Variants in PHF21A observed in about 807,000 individuals in gnomAD.
PHF21A encodes PHD finger protein 21A, also known as BHC80a.
PHF21A carries 11 observed loss-of-function variants against 82.5 expected under a neutral mutation model. The ratio of observed to expected loss-of-function variants is 0.13; its 90% CI spans 0.08 to 0.22. The LOEUF (loss-of-function observed/expected upper bound fraction) is 0.22, where lower values mean the gene tolerates loss of function less well. PHF21A is among the 10% of genes least tolerant of loss of function. The probability of loss-of-function intolerance (pLI) is 1.00; values close to 1 mark genes in which losing one functional copy is unlikely to be tolerated. For missense variants in PHF21A, 579 were observed against 837.8 expected, an observed-to-expected ratio of 0.69 and a Z score of 3.81; for synonymous variants, 297 against 302.8, an observed-to-expected ratio of 0.98 and a Z score of 0.20.
Position 46,118,376 on chromosome 11 carries a change from CT to C in PHF21A, c.-237+2558del, listed in dbSNP as rs146306676. Among the ~76,000 whole-genome samples the C allele has an allele frequency of 5.0e-3, 717 of 144,386 alleles. 5 individuals carry two copies. The highest frequency in any genetic ancestry group is 0.018 in the African/African-American group (680 of 38,836). 94.7% of individuals were successfully genotyped at this position (144,386 alleles called of 152,430 possible). On this transcript the variant is annotated intron_variant, in intron 1 of 18. Transcript: ENST00000676320. Reference sequence around the variant, plus strand: ...GGGCAGCCAAGCAATGTCAGTCAAACTGTAAATACTATTATGTTACCAAAAG... The same window carrying C: ...GGGCAGCCAAGCAATGTCAGTCAAACGTAAATACTATTATGTTACCAAAAG...
At chr11:46,116,649 T>C (rs2097293194) in intron 1 of PHF21A, 1 of 152,078 alleles carries the variant, frequency 6.6e-6, no homozygotes, top group African/African-American at 2.4e-5. Flanking sequence ...ACATTTTTGG[T>C]AACCACAGCA....
chr11:46,032,923 C>T (rs1436972992), intron 6 of PHF21A, among the ~76,000 whole-genome samples: 1 of 152,088 alleles, frequency 6.6e-6, no homozygotes, highest in Non-Finnish European at 1.5e-5. Flanking sequence ...CATACATGTA[C>T]ATATAATCTC....
chr11:46,036,437 G>A (rs1159431088), intron 6 of PHF21A, among the ~76,000 whole-genome samples: 1 of 152,148 alleles, frequency 6.6e-6, no homozygotes, highest in African/African-American at 2.4e-5. Flanking sequence ...GACTCAATCT[G>A]TCAAATTCCC....
chr11:45,973,702 G>A (rs1188933911), intron 7 of PHF21A, among the ~76,000 whole-genome samples: 2 of 152,216 alleles, frequency 1.3e-5, no homozygotes, highest in East Asian at 1.9e-4. Context: ...TTTGTAGTAA[G>A]TGTTTTTACC....
Position 45,938,147 on chromosome 11 carries a change from C to A in PHF21A, c.1608+10G>T, listed in dbSNP as rs777963341. 3 of 1,573,184 alleles carry A rather than the reference C, an allele frequency of 1.9e-6. No individual in the cohort carries two copies. In the Admixed American group the frequency reaches 5.4e-5, roughly 28 times the overall value. ...CTCGGCCCCTCCCCTGTTGGACCCA[C>A]CCACAGTACCTGGTCCTGACATCTG... On this transcript the variant is annotated intron_variant, in intron 16 of 18. Coordinates refer to ENST00000676320, the MANE Select transcript of PHF21A (RefSeq NM_001352027.3).
At chr11:45,941,383 A>G (rs1404503736) in intron 15 of PHF21A, among the ~76,000 whole-genome samples, 1 of 152,242 alleles carries the variant, frequency 6.6e-6, no homozygotes, top group Non-Finnish European at 1.5e-5. Flanking sequence ...AAACATTTTT[A>G]AACTCCAAAA....
At chr11:45,974,803 T>G (rs532234251) in intron 7 of PHF21A, among the ~76,000 whole-genome samples, 19 of 152,210 alleles carry the variant, frequency 1.2e-4, no homozygotes, top group Non-Finnish European at 2.8e-4. Flanking sequence ...TAGTTAACAG[T>G]GTCTAAGTAT....
intron 15 of PHF21A, among the ~76,000 whole-genome samples, chr11:45,945,424 T>C (rs879519747): frequency 3.3e-5 from 5 of 152,210 alleles, no homozygotes; most frequent in African/African-American, 1.2e-4. Context: ...AAGAAAACTT[T>C]CCACTTTTGG....
intron 10 of PHF21A, among the ~76,000 whole-genome samples, chr11:45,959,867 T>G (rs1046875369): frequency 3.3e-5 from 5 of 152,068 alleles, no homozygotes; most frequent in Non-Finnish European, 7.4e-5. Context: ...ATAACCCAAT[T>G]TAAAAATTGG....
At chr11:45,975,041 C>G (rs2093960313) in intron 7 of PHF21A, among the ~76,000 whole-genome samples, 1 of 152,122 alleles carries the variant, frequency 6.6e-6, no homozygotes, top group African/African-American at 2.4e-5. Context: ...AGGCTGGACA[C>G]AGTGGGTCAT....
chr11:45,953,566 T>C lies in PHF21A; in HGVS notation c.1056A>G (p.Pro352=), dbSNP rs1426152961. 6.2e-7 allele frequency: 1 copy of C among 1,613,768 alleles called. No homozygotes were observed. The highest frequency in any genetic ancestry group is 8.5e-7 in the Non-Finnish European group (1 of 1,179,874). The change falls in exon 11 of 19, where the codon CCA becomes CCG. Residue 352 remains proline (P), a synonymous_variant. Coordinates refer to ENST00000676320, the MANE Select transcript of PHF21A (RefSeq NM_001352027.3). The part of the protein sequence containing the change: ...EKQTESRTIT[P]PAAPKPKREE... The stretch of plus-strand genomic sequence containing the variant: ...CCCGTTTTGGTTTGGGTGCAGCAGG[T>C]GGGGTGATGGTGCGGCTCTCTGTTT...
intron 10 of PHF21A, among the ~76,000 whole-genome samples, chr11:45,957,751 C>CAAAAAAAAA: frequency 2.1e-4 from 13 of 60,900 alleles, no homozygotes; most frequent in South Asian, 6.6e-4. Flanking sequence ...AAATTCAAAG[C>CAAAAAAAAA]AAAAAAAAAA....
At chr11:46,071,733 C>A (rs1360982355) in intron 6 of PHF21A, among the ~76,000 whole-genome samples, 2 of 147,818 alleles carry the variant, frequency 1.4e-5, no homozygotes. Flanking sequence ...TGATAATAGC[C>A]AAAAAAAAAA....
chr11:45,948,979 G>A (rs1210484766), intron 13 of PHF21A, 33 bp from the exon 14 acceptor site: 2 of 1,561,212 alleles, frequency 1.3e-6, no homozygotes, highest in Non-Finnish European at 1.8e-6. Flanking sequence ...GGTGACTGTT[G>A]AGTAGTGTGG....
At chr11:46,030,120 T>C (rs980425701) in intron 6 of PHF21A, among the ~76,000 whole-genome samples, 1 of 152,198 alleles carries the variant, frequency 6.6e-6, no homozygotes, top group Admixed American at 6.5e-5. Context: ...CGCTAAACAA[T>C]AGAGCAAACT....
intron 6 of PHF21A, among the ~76,000 whole-genome samples, chr11:45,989,318 C>A (rs2094595401): frequency 6.6e-6 from 1 of 151,978 alleles, no homozygotes; most frequent in Non-Finnish European, 1.5e-5. Flanking sequence ...AGAAGAAAAG[C>A]ATGAACGATC....
intron 14 of PHF21A, 49 bp from the exon 15 acceptor site, chr11:45,946,052 GA>G: frequency 6.2e-7 from 1 of 1,614,110 alleles, no homozygotes; most frequent in South Asian, 1.1e-5. Flanking sequence ...GAGGGAAAGA[GA>G]GGGGGAAAAT....
At chr11:46,032,083 A>G (rs2095876810) in intron 6 of PHF21A, among the ~76,000 whole-genome samples, 1 of 152,206 alleles carries the variant, frequency 6.6e-6, no homozygotes, top group Non-Finnish European at 1.5e-5. Flanking sequence ...GAATCCCTAC[A>G]AATTTCTCAA....
rs552692968 is a variant in PHF21A at position 46,055,854 on chromosome 11, G to A, written c.153+20900C>T. On this transcript the variant is annotated intron_variant, in intron 6 of 18. Coordinates refer to ENST00000676320, the MANE Select transcript of PHF21A (RefSeq NM_001352027.3). ...CGCTCAACATATTATTTTACTTGGA[G>A]TTAAAAGGATATGGCAAATTGAATA... Among the ~76,000 whole-genome samples the A allele has an allele frequency of 6.6e-4, 100 of 152,234 alleles. 1 individual carries two copies. Among genetic ancestry groups the A allele is most frequent in the South Asian group, 4.1e-3 (20 of 4,828 alleles).
Sources: gnomAD v4.1 joint callset for allele counts (sites outside exome capture counted in the v4.1 genomes callset) on GRCh38, gnomAD v4.1.1 for gene constraint, MANE v1.5 for transcripts, NCBI Gene and HGNC (gene_info 2026-07-23, HGNC 2026-07-21) for gene names.